The following DISP1 variants were observed in gnomAD, a reference collection of about 807,000 sequenced individuals.
The protein encoded by DISP1 is dispatched RND transporter family member 1.
DISP1 carries 30 observed loss-of-function variants against 37.3 expected under a neutral mutation model. That is an observed-to-expected ratio of 0.80 (90% CI 0.60 to 1.09). The LOEUF (loss-of-function observed/expected upper bound fraction) is 1.09. Among genes scored for constraint, DISP1 ranks in the 50% least tolerant of loss-of-function variants. DISP1 has a pLI of 0.00. For synonymous variants in DISP1, 634 were observed against 690.2 expected, an observed-to-expected ratio of 0.92 and a Z score of 1.28; for missense variants, 1,598 against 1,879.5, an observed-to-expected ratio of 0.85 and a Z score of 2.77.
intron 2 of DISP1, among the ~76,000 whole-genome samples, chr1:222,938,897 A>G (rs1038622234): frequency 6.6e-6 from 1 of 152,126 alleles, no homozygotes. Context: ...ACACCTACCC[A>G]AATGCATCCA....
chr1:222,943,196 G>A lies in DISP1; in HGVS notation c.373G>A (p.Ala125Thr), dbSNP rs780002500. 8.1e-6 allele frequency: 13 copies of A among 1,610,004 alleles called. No individual in the cohort carries two copies. Among genetic ancestry groups the A allele is most frequent in the Non-Finnish European group, 8.5e-6 (10 of 1,176,614 alleles). The change falls in exon 3 of 9, where the codon GCA (alanine) becomes ACA (threonine). Residue 125 changes from alanine (A) to threonine (T), a missense_variant. By Grantham distance (58) the Ala-to-Thr change is moderately conservative (BLOSUM62 0). Transcript: ENST00000675850. ...CATGCAGCCACACTCCGAGTATTCT[G>A]CATCTCTTTGTCCAAATCATTCACC... ...CCMQPHSEYSASLCPNHSPVY... is the reference protein window; with the variant it reads ...CCMQPHSEYSTSLCPNHSPVY...
intron 3 of DISP1, among the ~76,000 whole-genome samples, chr1:222,967,519 G>A (rs1275421674): frequency 1.3e-5 from 2 of 152,122 alleles, no homozygotes; most frequent in African/African-American, 4.8e-5. Context: ...AGCAAGCCAA[G>A]ATTATAGAAA....
At chr1:222,973,461 A>G (rs1193139983) in intron 3 of DISP1, among the ~76,000 whole-genome samples, 1 of 152,116 alleles carries the variant, frequency 6.6e-6, no homozygotes, top group Non-Finnish European at 1.5e-5. Flanking sequence ...ATTTTGTTTT[A>G]AAATTCTTTC....
intron 4 of DISP1, chr1:222,989,430 T>C: frequency 1.0e-6 from 1 of 985,430 alleles, no homozygotes; most frequent in Admixed American, 6.1e-5. Flanking sequence ...TTCTGTTGGG[T>C]ACTCAGCTCA....
intron 2 of DISP1, among the ~76,000 whole-genome samples, chr1:222,938,023 A>C (rs2125479858): frequency 6.6e-6 from 1 of 152,106 alleles, no homozygotes; most frequent in East Asian, 1.9e-4. Flanking sequence ...ACAAGCAAAC[A>C]ACACCATGCT....
intron 1 of DISP1, among the ~76,000 whole-genome samples, chr1:222,841,134 CTAAT>C (rs1252781904): frequency 6.6e-5 from 10 of 152,078 alleles, no homozygotes; most frequent in South Asian, 2.1e-4. Flanking sequence ...TGTGTATATG[CTAAT>C]TAGTGTAGTA....
intron 5 of DISP1, 36 bp downstream of exon 5, chr1:222,990,784 A>G (rs1678647337): frequency 1.2e-6 from 2 of 1,612,240 alleles, no homozygotes; most frequent in Non-Finnish European, 1.7e-6. Flanking sequence ...GCCTAAAATC[A>G]TCTCCAAATA....
intron 1 of DISP1, among the ~76,000 whole-genome samples, chr1:222,818,014 A>T (rs892463836): frequency 6.6e-6 from 1 of 152,258 alleles, no homozygotes; most frequent in Non-Finnish European, 1.5e-5. Context: ...TGTTAAAGTG[A>T]TAGGCTATAA....
At chr1:222,902,967 C>T (rs376700100) in intron 1 of DISP1, among the ~76,000 whole-genome samples, 1 of 151,136 alleles carries the variant, frequency 6.6e-6, no homozygotes, top group Non-Finnish European at 1.5e-5. Context: ...ACCCAAAGGA[C>T]TATAAATCAT....
At chr1:222,882,143 A>G (rs1670317957) in intron 1 of DISP1, among the ~76,000 whole-genome samples, 1 of 152,228 alleles carries the variant, frequency 6.6e-6, no homozygotes. Context: ...TGATTTCAAT[A>G]TGAAATGGAC....
At chr1:222,849,460 G>A (rs1324850576) in intron 1 of DISP1, among the ~76,000 whole-genome samples, 1 of 151,862 alleles carries the variant, frequency 6.6e-6, no homozygotes, top group Admixed American at 6.6e-5. Flanking sequence ...GACCAAATCT[G>A]TATAACATAA....
intron 1 of DISP1, among the ~76,000 whole-genome samples, chr1:222,903,213 C>G (rs1338924261): frequency 2.0e-5 from 3 of 149,442 alleles, no homozygotes; most frequent in Non-Finnish European, 4.4e-5. Flanking sequence ...AAACCAAACA[C>G]CACATGTTCT....
intron 1 of DISP1, among the ~76,000 whole-genome samples, chr1:222,869,259 T>C (rs1042259286): frequency 6.6e-6 from 1 of 152,146 alleles, no homozygotes; most frequent in African/African-American, 2.4e-5. Flanking sequence ...AAAATATTTT[T>C]GGATGTAAAT....
intron 1 of DISP1, among the ~76,000 whole-genome samples, chr1:222,906,435 T>A (rs1380691801): frequency 6.6e-6 from 1 of 152,224 alleles, no homozygotes; most frequent in Admixed American, 6.5e-5. Context: ...CGCTGCCATC[T>A]GCTGGGCTGC....
intron 1 of DISP1, among the ~76,000 whole-genome samples, chr1:222,865,367 G>A (rs1669124486): frequency 6.6e-6 from 1 of 152,028 alleles, no homozygotes; most frequent in African/African-American, 2.4e-5. Flanking sequence ...TTGTTTTAAA[G>A]AAAATGTTCT....
intron 1 of DISP1, among the ~76,000 whole-genome samples, chr1:222,821,249 C>G (rs1662807647): frequency 6.6e-6 from 1 of 152,216 alleles, no homozygotes; most frequent in Non-Finnish European, 1.5e-5. Context: ...ATGGAAAGCA[C>G]AAGCATGTGA....
rs1408251074 is a variant in DISP1, at chr1:222,942,915, G to C, written c.92G>C (p.Cys31Ser). ...GCTAACCCGAGTCCCCTCACCCCCT[G>C]TGATGGAGACCATGCAGCCCAGCAG... ...SAANPSPLTP[C>S]DGDHAAQQLT... The change falls in exon 3 of 9, where the codon TGT becomes TCT. Residue 31 changes from cysteine to serine, a missense_variant. Coordinates refer to ENST00000675850, the MANE Select transcript of DISP1 (RefSeq NM_001377229.1). 4 of 1,614,138 alleles carry C rather than the reference G, an allele frequency of 2.5e-6. No individual in the cohort carries two copies. Among genetic ancestry groups the C allele is most frequent in the Non-Finnish European group, 3.4e-6 (4 of 1,180,020 alleles).
intron 1 of DISP1, among the ~76,000 whole-genome samples, chr1:222,853,399 A>G (rs886476319): frequency 5.9e-5 from 9 of 152,178 alleles, no homozygotes; most frequent in Admixed American, 1.3e-4. Context: ...ACTACTGGGG[A>G]TTTATCCAAA....
intron 1 of DISP1, among the ~76,000 whole-genome samples, chr1:222,837,968 C>T (rs997435993): frequency 6.6e-5 from 10 of 152,084 alleles, no homozygotes; most frequent in Non-Finnish European, 1.5e-4. Flanking sequence ...CTTTCTCATC[C>T]CTGCATGGTT....
Sources: allele counts gnomAD v4.1 joint callset (sites outside exome capture counted in the v4.1 genomes callset), GRCh38; gene constraint gnomAD v4.1.1; transcripts MANE v1.5; gene names NCBI Gene and HGNC (gene_info 2026-07-23, HGNC 2026-07-21).